The following SLC22A13 variants were observed in gnomAD, a reference collection of about 807,000 sequenced individuals.
The protein encoded by SLC22A13 is organic anion transporter 10.
In SLC22A13, 42 loss-of-function variants were observed where a neutral mutation model predicts 49.1. The ratio of observed to expected loss-of-function variants is 0.85; its 90% confidence interval spans 0.67 to 1.11. SLC22A13 has a LOEUF of 1.11. Among genes scored for constraint, SLC22A13 ranks in the 50% least tolerant of loss-of-function variants. The probability of loss-of-function intolerance (pLI) is 0.00; values close to 1 mark genes in which losing one functional copy is unlikely to be tolerated. For missense variants in SLC22A13, 694 were observed against 712.8 expected (o/e 0.97, Z 0.30); for synonymous variants, 282 against 293.1 (o/e 0.96, Z 0.39).
chr3:38,267,426 C>G (rs1393045358), intron 1 of SLC22A13, among the ~76,000 whole-genome samples: 1 of 152,046 alleles, frequency 6.6e-6, no homozygotes, highest in Non-Finnish European at 1.5e-5. Context: ...CATCATCTCC[C>G]CAGCATCACA....
At position 38,275,991 on chromosome 3, in the gene SLC22A13, T is replaced by C. The variant is rs758359593; in HGVS notation, c.1132T>C (p.Cys378Arg). ...IFGAVEVPAR[C>R]SSIFMMQRFG... ...TGGAGCTGTTGAGGTGCCTGCCCGCTGTTCCAGCATCTTCATGATGCAGAG... is the reference window on the plus strand; with the variant it reads ...TGGAGCTGTTGAGGTGCCTGCCCGCCGTTCCAGCATCTTCATGATGCAGAG... Residue 378 changes from cysteine (C) to arginine (R), a missense_variant, in exon 7 of 10, where the codon TGT (cysteine) becomes CGT (arginine). Cys to Arg is a radical substitution (Grantham distance 180). Transcript: ENST00000311856. 4 of 1,614,082 alleles carry C rather than the reference T, an allele frequency of 2.5e-6. No individual in the cohort carries two copies. Among genetic ancestry groups the C allele is most frequent in the Admixed American group, 1.7e-5 (1 of 60,010 alleles).
In SLC22A13 at chr3:38,275,988, C is replaced by T. The variant is rs117371763; in HGVS notation, c.1129C>T (p.Arg377Cys). The change falls in exon 7 of 10, where the codon CGC (arginine) becomes TGC (cysteine). Residue 377 changes from arginine (R) to cysteine (C), a missense_variant. Transcript: ENST00000311856. ...LIFGAVEVPA[R>C]CSSIFMMQRF... is the part of the protein sequence containing the mutation. ...CTTTGGAGCTGTTGAGGTGCCTGCCCGCTGTTCCAGCATCTTCATGATGCA... is the reference window on the plus strand; with the variant it reads ...CTTTGGAGCTGTTGAGGTGCCTGCCTGCTGTTCCAGCATCTTCATGATGCA... 7.9e-4 allele frequency: 1,276 copies of T among 1,614,166 alleles called. 28 individuals carry two copies. In the East Asian group the frequency reaches 0.023, roughly 29 times the overall value.
At position 38,276,981 on chromosome 3, in the gene SLC22A13, G is replaced by T. The variant is rs767123925; in HGVS notation, c.1416G>T (p.Leu472=). Residue 472 remains leucine, a synonymous_variant, in exon 9 of 10, where the codon CTG becomes CTT. Coordinates refer to ENST00000311856, the MANE Select transcript of SLC22A13 (RefSeq NM_004256.4). ...GCATCCTCACACCACTTGTGATCCT[G>T]CTGGGAGAGTACCACGCTGCCCTCC... is the stretch of plus-strand genomic sequence containing the variant. The part of the protein sequence containing the change: ...IGGILTPLVI[L]LGEYHAALPM... The T allele has an allele frequency of 3.7e-6, 6 of 1,613,480 alleles. No homozygotes were observed. The highest frequency in any genetic ancestry group is 4.2e-6 in the Non-Finnish European group (5 of 1,179,812).
chr3:38,266,145 G>T lies in SLC22A13; in HGVS notation c.285G>T (p.Leu95=). 6.2e-7 allele frequency: 1 copy of T among 1,614,146 alleles called. No individual in the cohort carries two copies. The highest frequency in any genetic ancestry group is 8.5e-7 in the Non-Finnish European group (1 of 1,180,016). The part of the protein sequence containing the change: ...MFRPPPANAS[L]QDILSHRFNE... ...GGCCACCCCCCGCCAATGCCAGCCT[G>T]CAGGACATCCTCAGCCACCGCTTCA... Residue 95 remains leucine, a synonymous_variant, in exon 1 of 10, where the codon CTG becomes CTT. Coordinates refer to ENST00000311856, the MANE Select transcript of SLC22A13 (RefSeq NM_004256.4).
chr3:38,275,223 C>T (rs770788927), intron 4 of SLC22A13, 66 bp downstream of exon 4: 3 of 1,596,634 alleles, frequency 1.9e-6, no homozygotes, highest in Admixed American at 1.7e-5. Flanking sequence ...GGTTGCAGTG[C>T]AGCACCCATG....
rs1337110659 is a variant in SLC22A13 at position 38,271,115 on chromosome 3, T to C, written c.379-3157T>C. On this transcript the variant is annotated intron_variant, in intron 1 of 9. Coordinates refer to ENST00000311856, the MANE Select transcript of SLC22A13 (RefSeq NM_004256.4). The stretch of plus-strand genomic sequence containing the variant: ...CTCTCTGAGCTGACACCTAAGCTTC[T>C]TTATTATAAATGGTGACTTCATATT... Among the ~76,000 whole-genome samples, 3 of 152,252 alleles carry C rather than the reference T, an allele frequency of 2.0e-5. No individual in the cohort carries two copies. In the East Asian group the frequency reaches 5.8e-4, roughly 29 times the overall value.
Position 38,269,321 on chromosome 3 carries a change from G to A in SLC22A13, c.378+3083G>A, listed in dbSNP as rs561288045. 3.3e-5 allele frequency among the ~76,000 whole-genome samples: 5 copies of A among 152,044 alleles called. No individual in the cohort carries two copies. In the East Asian group the frequency reaches 9.7e-4, roughly 29 times the overall value. On this transcript the variant is annotated intron_variant, in intron 1 of 9. Coordinates refer to ENST00000311856, the MANE Select transcript of SLC22A13 (RefSeq NM_004256.4). ...CACCCAGGCTGGAGTGCAGTGGCGA[G>A]ATCTGGGCTCACTGCAACCTCCACC...
At chr3:38,271,883 G>A (rs1005122225) in intron 1 of SLC22A13, among the ~76,000 whole-genome samples, 14 of 152,154 alleles carry the variant, frequency 9.2e-5, no homozygotes, top group Admixed American at 5.9e-4. Flanking sequence ...GGAGGGATCC[G>A]GGATGGGGTA....
In SLC22A13 at chr3:38,275,071, T is replaced by C. The variant is rs1180647302; in HGVS notation, c.720T>C (p.Leu240=). Residue 240 remains leucine, a synonymous_variant, in exon 4 of 10, where the codon CTT becomes CTC. Coordinates refer to ENST00000311856, the MANE Select transcript of SLC22A13 (RefSeq NM_004256.4). Reference sequence around the variant, plus strand: ...ACTTCTCCCTCGGGCAGATGGTGCTTGCGGGACTCGCCTACGGTTTCCGCA... The same window carrying C: ...ACTTCTCCCTCGGGCAGATGGTGCTCGCGGGACTCGCCTACGGTTTCCGCA... The part of the protein sequence containing the change: ...QCNFSLGQMV[L]AGLAYGFRNW... The C allele has an allele frequency of 1.9e-6, 3 of 1,614,128 alleles. No individual in the cohort carries two copies. In the African/African-American group the frequency reaches 4.0e-5, roughly 22 times the overall value.
chr3:38,267,647 C>T (rs747998302), intron 1 of SLC22A13, among the ~76,000 whole-genome samples: 18 of 152,098 alleles, frequency 1.2e-4, no homozygotes, highest in Non-Finnish European at 1.6e-4. Flanking sequence ...ATTAACTGTG[C>T]GGGGAAGTCA....
rs576304828 is a variant in SLC22A13 at position 38,277,553 on chromosome 3, C to A, written c.*88C>A. The A allele has an allele frequency of 1.1e-6, 1 of 945,964 alleles. No homozygotes were observed. Among genetic ancestry groups the A allele is most frequent in the African/African-American group, 1.6e-5 (1 of 61,102 alleles). The allele number at this position is 945,964 out of a possible 1,614,324, so 58.6% of individuals were successfully genotyped here. ...GGCCAGGACCCACAGGGACACAGGG[C>A]AAGACCAGCCTTGCTTATGGAGGCA... On this transcript the variant is annotated 3_prime_UTR_variant, in exon 10 of 10. Coordinates refer to ENST00000311856, the MANE Select transcript of SLC22A13 (RefSeq NM_004256.4).
Position 38,266,029 on chromosome 3 carries a change from AACC to A in SLC22A13, c.172_174del (p.His58del), listed in dbSNP as rs773422114. ...CCACTGTGCAGTGGCTTGGGTGAAG[AACC>A]ACACTTTCAACCTGAGTGCTGCTGA... is the stretch of plus-strand genomic sequence containing the variant. On this transcript the variant is annotated inframe_deletion, in exon 1 of 10. Transcript: ENST00000311856. The A allele has an allele frequency of 3.7e-6, 6 of 1,614,166 alleles. No individual in the cohort carries two copies. Among genetic ancestry groups the A allele is most frequent in the Admixed American group, 3.3e-5 (2 of 60,016 alleles).
chr3:38,276,599 C>A (rs920482416), intron 8 of SLC22A13, among the ~76,000 whole-genome samples: 6 of 152,204 alleles, frequency 3.9e-5, no homozygotes, highest in African/African-American at 2.4e-5. Flanking sequence ...GCAAGTAGGC[C>A]ATGCCCTGGC....
intron 8 of SLC22A13, 81 bp from the exon 9 acceptor site, chr3:38,276,831 C>T: frequency 2.3e-6 from 3 of 1,281,852 alleles, no homozygotes; most frequent in South Asian, 2.7e-5. Context: ...GGTCTGGACT[C>T]TCCCGAGGAA....
chr3:38,277,215 T>C, intron 9 of SLC22A13, 88 bp downstream of exon 9: 1 of 1,171,582 alleles, frequency 8.5e-7, no homozygotes, highest in South Asian at 1.4e-5. Flanking sequence ...TCATCACTCG[T>C]CCACTGTTGC....
Position 38,266,091 on chromosome 3 carries a change from A to G in SLC22A13, c.231A>G (p.Ala77=). 1 of 1,614,150 alleles carries G rather than the reference A, an allele frequency of 6.2e-7. No individual in the cohort carries two copies. Among genetic ancestry groups the G allele is most frequent in the Non-Finnish European group, 8.5e-7 (1 of 1,180,026 alleles). Reference sequence around the variant, plus strand: ...TACTGAGCGTGCCCCTGGACACTGCAGGTCACCCAGAGCCCTGCCTCATGT... The same window carrying G: ...TACTGAGCGTGCCCCTGGACACTGCGGGTCACCCAGAGCCCTGCCTCATGT... The part of the protein sequence containing the change: ...QLVLSVPLDT[A]GHPEPCLMFR... The change falls in exon 1 of 10, where the codon GCA becomes GCG. Residue 77 remains alanine, a synonymous_variant. Coordinates refer to ENST00000311856, the MANE Select transcript of SLC22A13 (RefSeq NM_004256.4).
chr3:38,274,629 G>A lies in SLC22A13; in HGVS notation c.508G>A (p.Ala170Thr), dbSNP rs1238402683. 2.5e-6 allele frequency: 4 copies of A among 1,613,906 alleles called. No homozygotes were observed. Among genetic ancestry groups the A allele is most frequent in the Non-Finnish European group, 3.4e-6 (4 of 1,180,024 alleles). Residue 170 changes from alanine (A) to threonine (T), a missense_variant, in exon 3 of 10, where the codon GCG becomes ACG. Transcript: ENST00000311856. Reference protein sequence around the residue: ...DRIGRKATILAQLLLFTLIGL... With the variant: ...DRIGRKATILTQLLLFTLIGL... ...GATTGGCCGCAAGGCCACAATCCTG[G>A]CGCAGCTGCTCCTCTTCACCCTCAT...
chr3:38,275,733 C>A, intron 6 of SLC22A13, 61 bp downstream of exon 6: 1 of 1,555,648 alleles, frequency 6.4e-7, no homozygotes. Context: ...TGTGTGTTGG[C>A]AGAGGGGTGG....
chr3:38,277,423 T>C lies in SLC22A13; in HGVS notation c.1614T>C (p.Thr538=), dbSNP rs1575392881. The C allele has an allele frequency of 6.2e-7, 1 of 1,614,126 alleles. No individual in the cohort carries two copies. The highest frequency in any genetic ancestry group is 8.5e-7 in the Non-Finnish European group (1 of 1,179,976). ...SEKETEAKGR[T]SSPGVAFVSS... is the part of the protein sequence containing the mutation. ...AGGAAACAGAGGCCAAGGGAAGAAC[T>C]TCCAGCCCGGGAGTGGCCTTTGTGA... The change falls in exon 10 of 10, where the codon ACT becomes ACC. Residue 538 remains threonine, a synonymous_variant. Transcript: ENST00000311856.
Sources: allele counts gnomAD v4.1 joint callset (sites outside exome capture counted in the v4.1 genomes callset), GRCh38; gene constraint gnomAD v4.1.1; transcripts MANE v1.5; gene names NCBI Gene and HGNC (gene_info 2026-07-23, HGNC 2026-07-21).